EPHA6: variants seen among roughly 807,000 people sequenced by gnomAD.
EPHA6 encodes the protein ephrin type-A receptor 6.
EPHA6 carries 50 observed loss-of-function variants against 112.0 expected under a neutral mutation model. The observed-to-expected ratio is 0.45, with a 90% CI of 0.36 to 0.56. The LOEUF (loss-of-function observed/expected upper bound fraction) is 0.56, where lower values mean the gene tolerates loss of function less well. EPHA6 is among the 20% of genes least tolerant of loss of function. The pLI, the probability that EPHA6 is intolerant of heterozygous loss-of-function variation, is 0.00. For synonymous variants in EPHA6, 529 were observed against 490.7 expected (o/e 1.08, Z -1.03); for missense variants, 1,280 against 1,417.4 (o/e 0.90, Z 1.56).
rs77145315 is a variant in EPHA6 at position 97,748,172 on chromosome 3, A to G, written c.3279-415A>G. ...ATCCATGAGAAATCAAACGGAGTTC[A>G]TATTATACCTTCCATCCTACATAAT... On this transcript the variant is annotated intron_variant, in intron 17 of 17. Coordinates refer to ENST00000389672, the MANE Select transcript of EPHA6 (RefSeq NM_001080448.3). Among the ~76,000 whole-genome samples, 190 of 152,258 alleles carry G rather than the reference A, an allele frequency of 1.2e-3. 5 individuals are homozygous for G. In the East Asian group the frequency reaches 0.033, roughly 26 times the overall value.
intron 16 of EPHA6, among the ~76,000 whole-genome samples, chr3:97,739,056 A>T (rs2035393320): frequency 6.6e-6 from 1 of 152,058 alleles, no homozygotes; most frequent in African/African-American, 2.4e-5. Context: ...AGATAGCAAT[A>T]TTACCTAAAG....
intron 15 of EPHA6, among the ~76,000 whole-genome samples, chr3:97,726,254 T>A (rs568412586): frequency 6.6e-6 from 1 of 152,196 alleles, no homozygotes; most frequent in South Asian, 2.1e-4. Flanking sequence ...TACTCCTAAA[T>A]GCATGCTTTT....
chr3:97,178,756 T>C (rs2076904635), intron 3 of EPHA6, among the ~76,000 whole-genome samples: 1 of 152,164 alleles, frequency 6.6e-6, no homozygotes, highest in Admixed American at 6.5e-5. Flanking sequence ...TTCTTTTCTC[T>C]TGCTGCTTTT....
chr3:97,295,897 A>G (rs192758940), intron 5 of EPHA6, among the ~76,000 whole-genome samples: 1 of 152,264 alleles, frequency 6.6e-6, no homozygotes, highest in Non-Finnish European at 1.5e-5. Context: ...GCCAATGTTC[A>G]GGCCCCAGTG....
At chr3:97,245,921 T>C (rs1012643589) in intron 5 of EPHA6, among the ~76,000 whole-genome samples, 1 of 151,970 alleles carries the variant, frequency 6.6e-6, no homozygotes, top group Non-Finnish European at 1.5e-5. Flanking sequence ...TATACATAAA[T>C]TCACTTTGCT....
chr3:97,043,796 A>G (rs762008408), intron 3 of EPHA6, among the ~76,000 whole-genome samples: 1 of 152,194 alleles, frequency 6.6e-6, no homozygotes, highest in Non-Finnish European at 1.5e-5. Context: ...ATATTGTCAT[A>G]CAAAGAAATA....
chr3:96,923,649 A>T lies in EPHA6; in HGVS notation c.450+56760A>T, dbSNP rs1020008123. ...AGCTCTTAAGTTTAATTAGAGCTCA[A>T]TTTTTTCTTCTTTTGCAGTTACTTT... is the stretch of plus-strand genomic sequence containing the variant. On this transcript the variant is annotated intron_variant, in intron 2 of 17. Transcript: ENST00000389672. Among the ~76,000 whole-genome samples the T allele has an allele frequency of 1.3e-4, 20 of 151,950 alleles. 1 individual carries two copies. In the South Asian group the frequency reaches 2.5e-3, roughly 19 times the overall value.
At chr3:97,115,328 G>A (rs74798164) in intron 3 of EPHA6, among the ~76,000 whole-genome samples, 5,820 of 151,488 alleles carry the variant, frequency 0.038, 402 homozygotes, top group African/African-American at 0.13. Context: ...TAAGAAGAAA[G>A]GTAAGGAAAA....
At chr3:97,232,965 A>G (rs2078572310) in intron 4 of EPHA6, among the ~76,000 whole-genome samples, 1 of 152,060 alleles carries the variant, frequency 6.6e-6, no homozygotes, top group South Asian at 2.1e-4. Context: ...GGAAGGTCAT[A>G]TACCGGTCAA....
intron 14 of EPHA6, among the ~76,000 whole-genome samples, chr3:97,712,198 A>C (rs866196430): frequency 3.3e-5 from 5 of 152,326 alleles, no homozygotes; most frequent in Middle Eastern, 6.8e-3. Context: ...TTTGCAATAA[A>C]TACTACAAAT....
chr3:97,742,005 T>C (rs2035525325), intron 16 of EPHA6, among the ~76,000 whole-genome samples: 1 of 152,050 alleles, frequency 6.6e-6, no homozygotes, highest in South Asian at 2.1e-4. Context: ...AGAACATTAC[T>C]TGAAAAAGGA....
chr3:97,486,027 A>AT (rs1199080304), intron 10 of EPHA6, among the ~76,000 whole-genome samples: 1 of 152,188 alleles, frequency 6.6e-6, no homozygotes, highest in Non-Finnish European at 1.5e-5. Context: ...ATTTTTAGAT[A>AT]TTTTTTCAAG....
intron 10 of EPHA6, among the ~76,000 whole-genome samples, chr3:97,486,238 T>A (rs73851918): frequency 0.046 from 6,984 of 152,282 alleles, 465 homozygotes; most frequent in African/African-American, 0.15. Flanking sequence ...TCTTTTTAAA[T>A]CTTTATTCAT....
At position 96,876,691 on chromosome 3, in the gene EPHA6, A is replaced by G. The variant is rs926927086; in HGVS notation, c.450+9802A>G. Among the ~76,000 whole-genome samples the G allele has an allele frequency of 5.3e-5, 8 of 152,016 alleles. No individual in the cohort carries two copies. In the South Asian group the frequency reaches 6.2e-4, roughly 12 times the overall value. The stretch of plus-strand genomic sequence containing the variant: ...CTTTTTCAAAAAAGACCTTTTTGGT[A>G]GTTTCTTCCATATGACTTGCTTTCT... On this transcript the variant is annotated intron_variant, in intron 2 of 17. Coordinates refer to ENST00000389672, the MANE Select transcript of EPHA6 (RefSeq NM_001080448.3).
Position 97,749,896 on chromosome 3 carries a change from A to G in EPHA6, c.*1195A>G, listed in dbSNP as rs1309590098. On this transcript the variant is annotated 3_prime_UTR_variant, in exon 18 of 18. Coordinates refer to ENST00000389672, the MANE Select transcript of EPHA6 (RefSeq NM_001080448.3). ...AATAAGTATGAATACTCCAAAGAGC[A>G]TATAAACAGATCTTACACATGAGCA... Among the ~76,000 whole-genome samples the G allele has an allele frequency of 6.6e-6, 1 of 152,202 alleles. No homozygotes were observed. Among genetic ancestry groups the G allele is most frequent in the East Asian group, 1.9e-4 (1 of 5,204 alleles).
intron 3 of EPHA6, among the ~76,000 whole-genome samples, chr3:97,177,322 T>A (rs2076863359): frequency 6.6e-6 from 1 of 151,948 alleles, no homozygotes; most frequent in Non-Finnish European, 1.5e-5. Context: ...GAATGATCCA[T>A]CTGCTGAGGA....
Position 96,873,962 on chromosome 3 carries a change from A to C in EPHA6, c.450+7073A>C, listed in dbSNP as rs187516383. Among the ~76,000 whole-genome samples the C allele has an allele frequency of 8.3e-4, 127 of 152,214 alleles. 1 individual carries two copies. Among genetic ancestry groups the C allele is most frequent in the African/African-American group, 2.9e-3 (121 of 41,524 alleles). Reference sequence around the variant, plus strand: ...TTATTACCACGTTATATATGAAAAAACTGGACCTGAGAAGAGTTTCAGAAC... The same window carrying C: ...TTATTACCACGTTATATATGAAAAACCTGGACCTGAGAAGAGTTTCAGAAC... On this transcript the variant is annotated intron_variant, in intron 2 of 17. Transcript: ENST00000389672.
rs1278781816 is a variant in EPHA6 at position 96,987,684 on chromosome 3, G to A, written c.805G>A (p.Glu269Lys). The A allele has an allele frequency of 6.2e-6, 10 of 1,606,558 alleles. No individual in the cohort carries two copies. Among genetic ancestry groups the A allele is most frequent in the Non-Finnish European group, 8.5e-6 (10 of 1,174,736 alleles). ...CCTCAAACTCAACACTGAAATTCGT[G>A]AGGTGGGGCCTATAGAAAGGAAAGG... ...RILKLNTEIR[E>K]VGPIERKGFY... The change falls in exon 3 of 18, where the codon GAG (glutamate) becomes AAG (lysine). Residue 269 changes from glutamate to lysine, a missense_variant. Transcript: ENST00000389672.
At chr3:97,182,046 C>T (rs2077002560) in intron 3 of EPHA6, among the ~76,000 whole-genome samples, 1 of 152,088 alleles carries the variant, frequency 6.6e-6, no homozygotes, top group South Asian at 2.1e-4. Flanking sequence ...GCAGATGAAT[C>T]ATTCTGGTGG....
Sources: allele counts gnomAD v4.1 joint callset (sites outside exome capture counted in the v4.1 genomes callset), GRCh38; gene constraint gnomAD v4.1.1; transcripts MANE v1.5; gene names NCBI Gene and HGNC (gene_info 2026-07-23, HGNC 2026-07-21).